Variants in LRP1B observed in about 807,000 individuals in gnomAD.
LRP1B encodes the protein LDL receptor related protein 1B.
In LRP1B, 217 loss-of-function variants were observed where a neutral mutation model predicts 556.6. The observed-to-expected ratio is 0.39, with a 90% CI of 0.35 to 0.44. The LOEUF is 0.44. Ranked by LOEUF, LRP1B falls within the 20% of genes least tolerant of loss-of-function variation. The pLI is 1.00. For synonymous variants in LRP1B, 2,047 were observed against 1,865.8 expected (o/e 1.10, Z -2.50); for missense variants, 5,053 against 5,620.8 (o/e 0.90, Z 3.23).
chr2:140,980,100 TA>T lies in LRP1B; in HGVS notation c.2887+2059del, dbSNP rs199625398. ...GAAACAGGTCTTGCCCTAGGCCTAT[TA>T]AAAAAAAAGAAAAAAAGAGAAAATC... On this transcript the variant is annotated intron_variant, in intron 18 of 90. Coordinates refer to ENST00000389484, the MANE Select transcript of LRP1B (RefSeq NM_018557.3). 1.7e-3 allele frequency among the ~76,000 whole-genome samples: 249 copies of T among 150,558 alleles called. 4 individuals carry two copies. The East Asian group carries it at 0.038, about 23-fold the overall frequency.
chr2:141,229,502 G>A (rs932751993), intron 5 of LRP1B, 62 bp from the exon 6 acceptor site: 1 of 1,249,184 alleles, frequency 8.0e-7, no homozygotes, highest in South Asian at 1.4e-5. Flanking sequence ...TTACAGTTTT[G>A]CCCTAGTTAT....
intron 2 of LRP1B, among the ~76,000 whole-genome samples, chr2:141,534,811 C>T (rs560402042): frequency 2.4e-4 from 36 of 152,176 alleles, no homozygotes; most frequent in Admixed American, 9.2e-4. Flanking sequence ...TCCTTTTGGT[C>T]CTAAACTCAG....
chr2:141,415,376 C>G (rs1487715106), intron 3 of LRP1B, among the ~76,000 whole-genome samples: 2 of 152,042 alleles, frequency 1.3e-5, no homozygotes, highest in Non-Finnish European at 2.9e-5. Context: ...CCAAAAATGA[C>G]TTTTCTATCA....
At chr2:141,605,593 A>G (rs1687889672) in intron 2 of LRP1B, among the ~76,000 whole-genome samples, 1 of 152,170 alleles carries the variant, frequency 6.6e-6, no homozygotes, top group African/African-American at 2.4e-5. Context: ...CTGGGCTGGA[A>G]CTGGCAGCCT....
chr2:141,672,598 C>T (rs181731140), intron 2 of LRP1B, among the ~76,000 whole-genome samples: 23 of 151,566 alleles, frequency 1.5e-4, no homozygotes, highest in African/African-American at 4.9e-4. Flanking sequence ...CATTGTGAGT[C>T]AGCACATCAA....
intron 1 of LRP1B, among the ~76,000 whole-genome samples, chr2:142,101,007 G>A (rs1165837408): frequency 2.6e-5 from 4 of 151,832 alleles, no homozygotes; most frequent in Admixed American, 6.6e-5. Context: ...AAATCATATC[G>A]CACAGGTACA....
intron 25 of LRP1B, among the ~76,000 whole-genome samples, chr2:140,871,820 G>C (rs908412578): frequency 1.3e-5 from 2 of 151,960 alleles, no homozygotes; most frequent in Non-Finnish European, 2.9e-5. Context: ...CCTGGGTTTT[G>C]TTCCTATATC....
chr2:140,510,183 T>C (rs1340558230), intron 51 of LRP1B, 127 bp from the exon 52 acceptor site: 5 of 902,982 alleles, frequency 5.5e-6, no homozygotes, highest in Non-Finnish European at 8.3e-6. Flanking sequence ...ATTGTAGTTA[T>C]TGGGAATCAT....
chr2:141,137,984 T>A (rs963231703), intron 7 of LRP1B, among the ~76,000 whole-genome samples: 7 of 151,858 alleles, frequency 4.6e-5, no homozygotes, highest in Admixed American at 1.3e-4. Flanking sequence ...AAAAGTGTTA[T>A]AAAAATGGAC....
chr2:140,758,741 T>C (rs1201232744), intron 35 of LRP1B, among the ~76,000 whole-genome samples: 1 of 152,046 alleles, frequency 6.6e-6, no homozygotes, highest in Non-Finnish European at 1.5e-5. Context: ...AAATATCAGT[T>C]GCTTTACCAC....
intron 6 of LRP1B, among the ~76,000 whole-genome samples, chr2:141,227,544 A>G (rs1052145148): frequency 3.9e-5 from 6 of 152,164 alleles, no homozygotes; most frequent in Non-Finnish European, 7.4e-5. Flanking sequence ...ATGAATGACC[A>G]TTTCTCCATA....
intron 3 of LRP1B, among the ~76,000 whole-genome samples, chr2:141,340,492 TTC>T (rs1688017648): frequency 1.3e-5 from 2 of 152,154 alleles, no homozygotes; most frequent in Admixed American, 1.3e-4. Context: ...TTCTATACAA[TTC>T]TTATAAAAGC....
chr2:140,984,347 C>T (rs1012327553), intron 17 of LRP1B, among the ~76,000 whole-genome samples: 1 of 151,672 alleles, frequency 6.6e-6, no homozygotes, highest in Admixed American at 6.6e-5. Flanking sequence ...CTTCCTCCTT[C>T]ATTCTTTAAC....
At chr2:140,310,139 C>A (rs1337434262) in intron 83 of LRP1B, among the ~76,000 whole-genome samples, 3 of 151,892 alleles carry the variant, frequency 2.0e-5, no homozygotes, top group Non-Finnish European at 4.4e-5. Flanking sequence ...GCTCCCCAAA[C>A]TCCTGCATAT....
At chr2:141,288,959 T>C (rs1573758971) in intron 3 of LRP1B, among the ~76,000 whole-genome samples, 1 of 152,196 alleles carries the variant, frequency 6.6e-6, no homozygotes, top group East Asian at 1.9e-4. Flanking sequence ...ACTTGTACCT[T>C]GTGTGTTTGT....
At chr2:141,683,132 C>CA (rs546638265) in intron 2 of LRP1B, among the ~76,000 whole-genome samples, 1 of 152,190 alleles carries the variant, frequency 6.6e-6, no homozygotes, top group South Asian at 2.1e-4. Flanking sequence ...CAACAGGAAC[C>CA]TAATACAGAT....
chr2:141,635,019 G>A (rs900679221), intron 2 of LRP1B, among the ~76,000 whole-genome samples: 9 of 143,594 alleles, frequency 6.3e-5, no homozygotes, highest in African/African-American at 2.1e-4. Context: ...GGATTTGACC[G>A]CATAACATAT....
At chr2:141,774,811 T>A (rs990124823) in intron 2 of LRP1B, among the ~76,000 whole-genome samples, 8 of 152,192 alleles carry the variant, frequency 5.3e-5, no homozygotes, top group African/African-American at 1.9e-4. Flanking sequence ...AAGAATCTTC[T>A]CAGAGAGACC....
chr2:141,538,788 G>A (rs1028470911), intron 2 of LRP1B, among the ~76,000 whole-genome samples: 5 of 152,054 alleles, frequency 3.3e-5, no homozygotes, highest in Admixed American at 3.3e-4. Context: ...ATAAGCATGT[G>A]CTACCACACC....
Sources: allele counts gnomAD v4.1 joint callset (sites outside exome capture counted in the v4.1 genomes callset), GRCh38; gene constraint gnomAD v4.1.1; transcripts MANE v1.5; gene names NCBI Gene and HGNC (gene_info 2026-07-23, HGNC 2026-07-21).